NCOA3: variants seen among roughly 807,000 people sequenced by gnomAD.
NCOA3 encodes the protein nuclear receptor coactivator 3, also known as CBP-interacting protein.
In NCOA3, 51 loss-of-function variants were observed where a neutral mutation model predicts 158.8. The observed-to-expected ratio is 0.32, with a 90% CI of 0.26 to 0.41. The LOEUF is 0.41. Among genes scored for constraint, NCOA3 ranks in the 10% least tolerant of loss-of-function variants. The probability of loss-of-function intolerance (pLI) is 1.00; values close to 1 mark genes in which losing one functional copy is unlikely to be tolerated. For synonymous variants in NCOA3, 537 were observed against 592.4 expected (o/e 0.91, Z 1.36); for missense variants, 1,510 against 1,746.6 (o/e 0.86, Z 2.41).
At chr20:47,589,191 G>T (rs886549959) in intron 2 of NCOA3, among the ~76,000 whole-genome samples, 1 of 152,108 alleles carries the variant, frequency 6.6e-6, no homozygotes, top group Non-Finnish European at 1.5e-5. Context: ...AAGCCATTGT[G>T]CCCGGCCAGA....
chr20:47,641,324 CTTTTT>C (rs34173277), intron 16 of NCOA3, among the ~76,000 whole-genome samples: 3 of 96,600 alleles, frequency 3.1e-5, no homozygotes, highest in African/African-American at 1.3e-4. Flanking sequence ...CTCAACATTT[CTTTTT>C]TTTTTTTTTT....
In NCOA3 at chr20:47,599,649, C is replaced by T. The variant is rs117422667; in HGVS notation, c.-20+16388C>T. On this transcript the variant is annotated intron_variant, in intron 2 of 22. Transcript: ENST00000371998. Reference sequence around the variant, plus strand: ...GAAAAATATTACTTTCCTCATGACACTGATCTCAAAAGGTTTCCTATCTCA... The same window carrying T: ...GAAAAATATTACTTTCCTCATGACATTGATCTCAAAAGGTTTCCTATCTCA... 7.9e-5 allele frequency among the ~76,000 whole-genome samples: 12 copies of T among 152,294 alleles called. No homozygotes were observed. In the East Asian group the frequency reaches 2.1e-3, roughly 27 times the overall value.
chr20:47,647,150 A>G lies in NCOA3; in HGVS notation c.3330A>G (p.Leu1110=). The change falls in exon 18 of 23, where the codon TTA becomes TTG. Residue 1110 remains leucine (L), a synonymous_variant. Coordinates refer to ENST00000371998, the MANE Select transcript of NCOA3 (RefSeq NM_181659.3). Reference sequence around the variant, plus strand: ...TAATGATGGATCAGAAGGCAGGATTATATGGACAGACATACCCAGCACAGG... The same window carrying G: ...TAATGATGGATCAGAAGGCAGGATTGTATGGACAGACATACCCAGCACAGG... ...AAVMMDQKAG[L]YGQTYPAQGP... The G allele has an allele frequency of 6.2e-7, 1 of 1,614,214 alleles. No homozygotes were observed. The highest frequency in any genetic ancestry group is 8.5e-7 in the Non-Finnish European group (1 of 1,180,038).
At chr20:47,565,077 G>A (rs2085170960) in intron 1 of NCOA3, among the ~76,000 whole-genome samples, 1 of 152,126 alleles carries the variant, frequency 6.6e-6, no homozygotes, top group African/African-American at 2.4e-5. Context: ...TGCCTCGTGG[G>A]TTCAAGCAAT....
intron 1 of NCOA3, among the ~76,000 whole-genome samples, chr20:47,581,095 T>A (rs746458481): frequency 3.3e-5 from 5 of 152,008 alleles, no homozygotes; most frequent in Non-Finnish European, 5.9e-5. Context: ...CAGAGTGAGA[T>A]CCTGTCTCAA....
chr20:47,561,651 A>G (rs2085108688), intron 1 of NCOA3, among the ~76,000 whole-genome samples: 1 of 151,988 alleles, frequency 6.6e-6, no homozygotes, highest in Non-Finnish European at 1.5e-5. Flanking sequence ...GTTTAAGGTT[A>G]TAGGAAAATG....
intron 1 of NCOA3, among the ~76,000 whole-genome samples, chr20:47,509,298 C>T (rs534539269): frequency 6.6e-6 from 1 of 152,192 alleles, no homozygotes; most frequent in Admixed American, 6.5e-5. Flanking sequence ...TGAGACTGAG[C>T]TGGGAGGATG....
At chr20:47,631,565 T>C (rs2086418982) in intron 8 of NCOA3, 1 of 152,352 alleles carries the variant, frequency 6.6e-6, no homozygotes, top group Middle Eastern at 3.4e-3. Context: ...GTATTTGATA[T>C]TAAGCAAAAG....
chr20:47,637,875 TA>T, intron 13 of NCOA3, 92 bp downstream of exon 13: 6 of 1,158,596 alleles, frequency 5.2e-6, no homozygotes, highest in South Asian at 2.1e-5. Flanking sequence ...AGGATATAAA[TA>T]GCATTTATAA....
chr20:47,539,040 T>G (rs903188722), intron 1 of NCOA3, among the ~76,000 whole-genome samples: 2 of 152,248 alleles, frequency 1.3e-5, no homozygotes, highest in Non-Finnish European at 2.9e-5. Context: ...AAGGTTTTCC[T>G]TAGTGGTTTG....
At chr20:47,590,597 A>C (rs1485132338) in intron 2 of NCOA3, among the ~76,000 whole-genome samples, 1 of 152,194 alleles carries the variant, frequency 6.6e-6, no homozygotes, top group Non-Finnish European at 1.5e-5. Flanking sequence ...GAATATTAAA[A>C]AATAACACCA....
At chr20:47,593,545 A>G (rs1414891557) in intron 2 of NCOA3, among the ~76,000 whole-genome samples, 1 of 150,638 alleles carries the variant, frequency 6.6e-6, no homozygotes, top group Non-Finnish European at 1.5e-5. Context: ...GGGTTTCACC[A>G]TGTTAGCCAG....
intron 1 of NCOA3, among the ~76,000 whole-genome samples, chr20:47,529,217 G>C (rs2084506724): frequency 6.7e-6 from 1 of 149,878 alleles, no homozygotes; most frequent in Admixed American, 6.7e-5. Context: ...CTACCTTTTG[G>C]GTTCAAGCGA....
chr20:47,628,216 T>G (rs868626302), intron 8 of NCOA3, among the ~76,000 whole-genome samples, 193 bp downstream of exon 8: 15 of 152,248 alleles, frequency 9.9e-5, no homozygotes, highest in Middle Eastern at 6.8e-3. Context: ...ATTCTTGGCA[T>G]TTGAATTGGG....
chr20:47,512,035 C>G (rs2146056245), intron 1 of NCOA3, among the ~76,000 whole-genome samples: 2 of 151,900 alleles, frequency 1.3e-5, no homozygotes, highest in South Asian at 2.1e-4. Context: ...AAAAATCAGG[C>G]TGGGTGCAGG....
At chr20:47,609,086 A>G (rs2086001963) in intron 2 of NCOA3, among the ~76,000 whole-genome samples, 1 of 152,220 alleles carries the variant, frequency 6.6e-6, no homozygotes, top group African/African-American at 2.4e-5. Context: ...TTTCTGAATC[A>G]CAAATCGGCC....
Position 47,570,984 on chromosome 20 carries a change from ATGTGTG to A in NCOA3, c.-98-12185_-98-12180del, listed in dbSNP as rs74178747. Among the ~76,000 whole-genome samples the A allele has an allele frequency of 9.3e-4, 112 of 120,854 alleles. 2 individuals carry two copies. The South Asian group carries it at 0.028, about 30-fold the overall frequency. The allele number at this position is 120,854 out of a possible 152,430, so 79.3% of individuals were successfully genotyped here. On this transcript the variant is annotated intron_variant, in intron 1 of 22. Transcript: ENST00000371998. Reference sequence around the variant, plus strand: ...CACACACACACAAGTATATACATATATGTGTGTGTGTGTGTGTGTATATACATTTTT... The same window carrying A: ...CACACACACACAAGTATATACATATATGTGTGTGTGTGTATATACATTTTT...
chr20:47,637,896 A>G (rs544277965), intron 13 of NCOA3, 113 bp downstream of exon 13: 1 of 933,012 alleles, frequency 1.1e-6, no homozygotes, highest in South Asian at 3.0e-5. Flanking sequence ...ACTTCAGAAC[A>G]TATATTCTGC....
chr20:47,576,833 A>G (rs911358403), intron 1 of NCOA3, among the ~76,000 whole-genome samples: 4 of 152,180 alleles, frequency 2.6e-5, no homozygotes, highest in Non-Finnish European at 5.9e-5. Context: ...AGCTTTGCTC[A>G]CTTCCCCACC....
Sources: allele counts gnomAD v4.1 joint callset (sites outside exome capture counted in the v4.1 genomes callset), GRCh38; gene constraint gnomAD v4.1.1; transcripts MANE v1.5; gene names NCBI Gene and HGNC (gene_info 2026-07-23, HGNC 2026-07-21).